Variants in TRANK1 observed in about 807,000 individuals in gnomAD.
TRANK1 encodes the protein TPR and ankyrin repeat-containing protein 1.
Under a neutral mutation model 266.0 loss-of-function variants are expected in TRANK1, and 198 were observed. The ratio of observed to expected loss-of-function variants is 0.74; its 90% CI spans 0.66 to 0.84. TRANK1 has a LOEUF of 0.84. Ranked by LOEUF, TRANK1 falls within the 40% of genes least tolerant of loss-of-function variation. TRANK1 has a pLI of 0.00. For missense variants in TRANK1, 3,326 were observed against 3,634.6 expected (o/e 0.92, Z 2.18); for synonymous variants, 1,396 against 1,384.1 (o/e 1.01, Z -0.19).
At chr3:36,921,087 A>T (rs1363542428) in intron 1 of TRANK1, among the ~76,000 whole-genome samples, 1 of 152,110 alleles carries the variant, frequency 6.6e-6, no homozygotes, top group African/African-American at 2.4e-5. Context: ...CTTTGACCTG[A>T]GTCACCCCCG....
chr3:36,832,785 C>G lies in TRANK1; in HGVS notation c.6798G>C (p.Lys2266Asn). 1 of 1,614,012 alleles carries G rather than the reference C, an allele frequency of 6.2e-7. No homozygotes were observed. Among genetic ancestry groups the G allele is most frequent in the Non-Finnish European group, 8.5e-7 (1 of 1,179,896 alleles). ...ILSTDMYGLC[K>N]SILDVLFPKH... ...TAGGGAAAAGGACATCCAGAATGGA[C>G]TTGCAAAGGCCATACATATCTGTAG... Residue 2266 changes from lysine (K) to asparagine (N), a missense_variant, in exon 22 of 24, where the codon AAG (lysine) becomes AAC (asparagine). Physicochemically the swap from Lys to Asn is moderately conservative, Grantham distance 94. Transcript: ENST00000645898.
intron 9 of TRANK1, among the ~76,000 whole-genome samples, chr3:36,869,935 C>T (rs1206886709): frequency 6.6e-6 from 1 of 152,212 alleles, no homozygotes; most frequent in Non-Finnish European, 1.5e-5. Context: ...AAAGATCCCC[C>T]AGCCCCACCT....
intron 1 of TRANK1, among the ~76,000 whole-genome samples, chr3:36,939,361 C>T (rs917351131): frequency 2.6e-5 from 4 of 151,820 alleles, no homozygotes; most frequent in South Asian, 2.1e-4. Context: ...AGCCACATGA[C>T]CACAAATTCA....
At chr3:36,932,477 C>T (rs373726132) in intron 1 of TRANK1, among the ~76,000 whole-genome samples, 30 of 152,150 alleles carry the variant, frequency 2.0e-4, no homozygotes, top group African/African-American at 6.5e-4. Flanking sequence ...GCAGGAGAAT[C>T]GCTTGAACCT....
intron 1 of TRANK1, among the ~76,000 whole-genome samples, chr3:36,930,492 T>A (rs1256669555): frequency 4.6e-5 from 7 of 152,184 alleles, no homozygotes; most frequent in African/African-American, 1.4e-4. Context: ...AATAAATTCA[T>A]GTTGTTTTAA....
intron 5 of TRANK1, 123 bp downstream of exon 5, chr3:36,895,517 G>A: frequency 1.7e-6 from 1 of 576,124 alleles, no homozygotes; most frequent in Non-Finnish European, 2.9e-6. Flanking sequence ...TGATATCCTA[G>A]TTAAAAATTT....
At position 36,856,994 on chromosome 3, in the gene TRANK1, GA is replaced by G. The variant is rs1559432201; in HGVS notation, c.2727del (p.Arg910AspfsTer37). On this transcript the variant is annotated frameshift_variant, in exon 13 of 24. Transcript: ENST00000645898. LOFTEE classifies it high-confidence loss of function. Reference protein sequence around the residue: ...MLWELAIDFSPRCSENPEKII... With the variant: ...MLWELAIDFSXRCSENPEKII... ...ATCTTCTCAGGGTTCTCACTGCATC[GA>G]GGGGAGAAGTCAATGGCGAGCTCCC... 3.1e-6 allele frequency: 5 copies of G among 1,613,862 alleles called. No homozygotes were observed. Among genetic ancestry groups the G allele is most frequent in the Non-Finnish European group, 4.2e-6 (5 of 1,179,866 alleles).
intron 4 of TRANK1, among the ~76,000 whole-genome samples, chr3:36,898,744 G>C (rs531830018): frequency 6.6e-6 from 1 of 151,478 alleles, no homozygotes; most frequent in Non-Finnish European, 1.5e-5. Flanking sequence ...CCAGCCGCTC[G>C]GGAGGCTGAG....
intron 1 of TRANK1, among the ~76,000 whole-genome samples, chr3:36,917,626 G>A (rs7616417): frequency 8.7e-4 from 133 of 152,282 alleles, no homozygotes; most frequent in African/African-American, 3.1e-3. Context: ...AGAGAGGCGA[G>A]TTTAAGATTT....
chr3:36,867,496 T>C (rs1030668282), intron 9 of TRANK1, among the ~76,000 whole-genome samples: 1 of 152,200 alleles, frequency 6.6e-6, no homozygotes, highest in African/African-American at 2.4e-5. Flanking sequence ...ATGATACAGA[T>C]GGAAAGTTGC....
At position 36,848,098 on chromosome 3, in the gene TRANK1, G is replaced by A. The variant is rs78122267; in HGVS notation, c.4888-752C>T. The stretch of plus-strand genomic sequence containing the variant: ...AAATAATAAATATTGTTATCATTGC[G>A]GGTCACATGATCTCTCTTTGCAACT... On this transcript the variant is annotated intron_variant, in intron 15 of 23. Coordinates refer to ENST00000645898, the MANE Select transcript of TRANK1 (RefSeq NM_001329998.2). Among the ~76,000 whole-genome samples the A allele has an allele frequency of 7.9e-3, 1,202 of 152,134 alleles. 15 individuals carry two copies. The highest frequency in any genetic ancestry group is 0.027 in the African/African-American group (1,139 of 41,496).
At chr3:36,849,010 T>G (rs1489786504) in intron 15 of TRANK1, among the ~76,000 whole-genome samples, 1 of 152,024 alleles carries the variant, frequency 6.6e-6, no homozygotes, top group Admixed American at 6.6e-5. Flanking sequence ...CTTTTAGGAG[T>G]GCGCTTATGT....
At chr3:36,942,697 T>A (rs2080512922) in intron 1 of TRANK1, among the ~76,000 whole-genome samples, 1 of 151,958 alleles carries the variant, frequency 6.6e-6, no homozygotes, top group African/African-American at 2.4e-5. Flanking sequence ...CACTCAAGTA[T>A]GAATTTCAGT....
At chr3:36,882,793 A>C (rs1004233093) in intron 8 of TRANK1, among the ~76,000 whole-genome samples, 10 of 152,250 alleles carry the variant, frequency 6.6e-5, no homozygotes, top group African/African-American at 2.2e-4. Context: ...CAAAGGACCA[A>C]AAACCATAAA....
In TRANK1 at chr3:36,855,693, A is replaced by G. The variant is rs768896792; in HGVS notation, c.4029T>C (p.Pro1343=). The change falls in exon 13 of 24, where the codon CCT becomes CCC. Residue 1343 remains proline (P), a synonymous_variant. Coordinates refer to ENST00000645898, the MANE Select transcript of TRANK1 (RefSeq NM_001329998.2). ...ATTTTATTTCTTTCCAAATCAGTGC[A>G]GGGTTGTAGGCAGTCCTCCCTTTGG... ...KMTKGRTAYN[P]ALIWKEIKSF... The G allele has an allele frequency of 6.2e-7, 1 of 1,613,798 alleles. No individual in the cohort carries two copies. Among genetic ancestry groups the G allele is most frequent in the Non-Finnish European group, 8.5e-7 (1 of 1,179,866 alleles).
intron 1 of TRANK1, among the ~76,000 whole-genome samples, chr3:36,931,986 A>G (rs2080366302): frequency 6.6e-6 from 1 of 152,238 alleles, no homozygotes; most frequent in Non-Finnish European, 1.5e-5. Flanking sequence ...GGGGCAGAGA[A>G]CACAGGAGAG....
intron 1 of TRANK1, among the ~76,000 whole-genome samples, chr3:36,910,374 T>C (rs2080034193): frequency 6.6e-6 from 1 of 152,220 alleles, no homozygotes; most frequent in South Asian, 2.1e-4. Flanking sequence ...ACTCTAAATG[T>C]TCCATAATAT....
intron 18 of TRANK1, among the ~76,000 whole-genome samples, chr3:36,839,725 C>T (rs2078818197): frequency 6.6e-6 from 1 of 152,212 alleles, no homozygotes; most frequent in East Asian, 1.9e-4. Context: ...TCTGTGACAC[C>T]TGCAACAGCT....
intron 1 of TRANK1, among the ~76,000 whole-genome samples, chr3:36,933,690 T>C (rs916878492): frequency 1.3e-5 from 2 of 152,256 alleles, no homozygotes; most frequent in Admixed American, 1.3e-4. Context: ...TGGTGATCCC[T>C]GCATGTTATT....
Sources: allele counts gnomAD v4.1 joint callset (sites outside exome capture counted in the v4.1 genomes callset), GRCh38; gene constraint gnomAD v4.1.1; transcripts MANE v1.5; gene names NCBI Gene and HGNC (gene_info 2026-07-23, HGNC 2026-07-21).